The following TCF25 variants were observed in gnomAD, a reference collection of about 807,000 sequenced individuals.
The protein encoded by TCF25 is TCF25 ribosome quality control complex subunit, also known as ribosome quality control complex subunit TCF25.
TCF25 carries 41 observed loss-of-function variants against 83.1 expected under a neutral mutation model. That is an observed-to-expected ratio of 0.49 (90% CI 0.38 to 0.64). The LOEUF (loss-of-function observed/expected upper bound fraction) is 0.64. Ranked by LOEUF, TCF25 falls within the 30% of genes least tolerant of loss-of-function variation. The probability of loss-of-function intolerance (pLI) is 0.00; values close to 1 mark genes in which losing one functional copy is unlikely to be tolerated. For synonymous variants in TCF25, 458 were observed against 365.0 expected, an observed-to-expected ratio of 1.25 and a Z score of -2.90; for missense variants, 979 against 914.5, an observed-to-expected ratio of 1.07 and a Z score of -0.91.
chr16:89,909,562 C>T (rs1214159415), intron 16 of TCF25: 1 of 157,374 alleles, frequency 6.4e-6, no homozygotes, highest in East Asian at 1.8e-4. Flanking sequence ...CCTGTAGTCC[C>T]AGCTACTCAG....
Position 89,892,213 on chromosome 16 carries a change from T to C in TCF25, c.635T>C (p.Val212Ala). 1.2e-6 allele frequency: 2 copies of C among 1,612,346 alleles called. No individual in the cohort carries two copies. Among genetic ancestry groups the C allele is most frequent in the Non-Finnish European group, 1.7e-6 (2 of 1,179,412 alleles). The change falls in exon 6 of 18, where the codon GTG becomes GCG. Residue 212 changes from valine to alanine, a missense_variant. Physicochemically the swap from Val to Ala is moderately conservative, Grantham distance 64 (BLOSUM62 0). Coordinates refer to ENST00000263346, the MANE Select transcript of TCF25 (RefSeq NM_014972.3). ...CCCAGGCCACGGCAGAGACAACGTG[T>C]GTACCCCAAGTGCACATGGCTGACC... is the stretch of plus-strand genomic sequence containing the variant. ...GEQRPRQRQR[V>A]YPKCTWLTTP...
At chr16:89,889,992 C>T (rs1384062612) in intron 5 of TCF25, 2 of 152,286 alleles carry the variant, frequency 1.3e-5, no homozygotes, top group African/African-American at 2.4e-5. Flanking sequence ...GCCTCAGCTT[C>T]CCAAGTAGCT....
chr16:89,896,042 C>G lies in TCF25; in HGVS notation c.981C>G (p.Thr327=). The G allele has an allele frequency of 7.4e-6, 12 of 1,613,892 alleles. No homozygotes were observed. Among genetic ancestry groups the G allele is most frequent in the Non-Finnish European group, 7.6e-6 (9 of 1,179,984 alleles). The change falls in exon 9 of 18, where the codon ACC becomes ACG. Residue 327 remains threonine, a synonymous_variant. Coordinates refer to ENST00000263346, the MANE Select transcript of TCF25 (RefSeq NM_014972.3). ...CGTTCCACCCCCTGTTCAGTCTCAC[C>G]AGTGGGGCCTGCCGGCTGGATTACC... ...ECAFHPLFSL[T]SGACRLDYRR... is the part of the protein sequence containing the mutation.
At chr16:89,908,419 CCCACCTT>C (rs201832830) in intron 16 of TCF25, among the ~76,000 whole-genome samples, 2 of 150,352 alleles carry the variant, frequency 1.3e-5, no homozygotes, top group Admixed American at 6.6e-5. Flanking sequence ...GCTCCCACCT[CCCACCTT>C]CCAGTTCCCA....
chr16:89,873,927 A>G lies in TCF25; in HGVS notation c.192+68A>G, dbSNP rs551440619. The stretch of plus-strand genomic sequence containing the variant: ...ACGTTGTGGGGCGGGGCGAGCGTCC[A>G]GCCGGGTCGGGGAGCGGGGTTGTGA... On this transcript the variant is annotated intron_variant, in intron 1 of 17. Coordinates refer to ENST00000263346, the MANE Select transcript of TCF25 (RefSeq NM_014972.3). 286 of 1,407,886 alleles carry G rather than the reference A, an allele frequency of 2.0e-4. 1 individual carries two copies. The highest frequency in any genetic ancestry group is 4.7e-4 in the South Asian group (33 of 70,048). The allele number at this position is 1,407,886 out of a possible 1,614,324, so 87.2% of individuals were successfully genotyped here. A position where few individuals can be genotyped will look rare whatever the true frequency, so the allele number is the denominator to read the frequency against.
intron 12 of TCF25, among the ~76,000 whole-genome samples, chr16:89,901,314 C>A (rs1344095596): frequency 6.6e-6 from 1 of 152,204 alleles, no homozygotes; most frequent in Non-Finnish European, 1.5e-5. Context: ...TCGGGGCTGA[C>A]CCTGCCTGAC....
intron 12 of TCF25, among the ~76,000 whole-genome samples, chr16:89,903,388 C>T (rs1416842243): frequency 2.0e-5 from 3 of 152,206 alleles, no homozygotes; most frequent in Non-Finnish European, 4.4e-5. Context: ...AACATCCAAC[C>T]GGCCGGGCAC....
intron 16 of TCF25, chr16:89,909,209 C>T (rs1419829358): frequency 1.7e-6 from 2 of 1,207,932 alleles, no homozygotes; most frequent in Non-Finnish European, 2.1e-6. Context: ...CCCGTCTCAA[C>T]TAAAAATACA....
intron 5 of TCF25, among the ~76,000 whole-genome samples, chr16:89,890,833 AT>A (rs35982793): frequency 6.6e-6 from 1 of 152,126 alleles, no homozygotes; most frequent in Non-Finnish European, 1.5e-5. Context: ...TGCCTTTATT[AT>A]TTTTATAGTA....
intron 1 of TCF25, among the ~76,000 whole-genome samples, chr16:89,879,963 ACAGT>A (rs995366520): frequency 3.3e-5 from 5 of 151,060 alleles, no homozygotes; most frequent in East Asian, 3.9e-4. Flanking sequence ...GTCTTTGTAA[ACAGT>A]CAGGATCCCA....
In TCF25 at chr16:89,911,209, G is replaced by A. The variant is rs139621812; in HGVS notation, c.2002G>A (p.Asp668Asn). The change falls in exon 18 of 18, where the codon GAC becomes AAC. Residue 668 changes from aspartate to asparagine, a missense_variant. Transcript: ENST00000263346. ...LNDLEAPHED[D>N]AEGEGEWD is the part of the protein sequence containing the mutation. ...CGACCTGGAGGCGCCGCACGAGGACGACGCTGAGGGGGAGGGGGAGTGGGA... is the reference window on the plus strand; with the variant it reads ...CGACCTGGAGGCGCCGCACGAGGACAACGCTGAGGGGGAGGGGGAGTGGGA... 5.0e-6 allele frequency: 8 copies of A among 1,612,382 alleles called. No homozygotes were observed. Among genetic ancestry groups the A allele is most frequent in the African/African-American group, 4.0e-5 (3 of 74,924 alleles).
In TCF25 at chr16:89,900,233, C is replaced by CGGGCTGCTCTCGGAAACTCGCGCGGCGGT. The variant is rs2044205443; in HGVS notation, c.1222-376_1222-375insGGTGGGCTGCTCTCGGAAACTCGCGCGGC. On this transcript the variant is annotated intron_variant, in intron 11 of 17. Coordinates refer to ENST00000263346, the MANE Select transcript of TCF25 (RefSeq NM_014972.3). ...GTAGACTGCTCGGAAACTCGCGTGG[C>CGGGCTGCTCTCGGAAACTCGCGCGGCGGT]GGGCTGCTCTCGGAAACTCGCGCGG... Among the ~76,000 whole-genome samples the CGGGCTGCTCTCGGAAACTCGCGCGGCGGT allele has an allele frequency of 2.0e-5, 3 of 147,718 alleles. No homozygotes were observed. In the South Asian group the frequency reaches 6.6e-4, roughly 32 times the overall value.
chr16:89,886,771 A>G (rs2043048405), intron 4 of TCF25, among the ~76,000 whole-genome samples: 1 of 150,404 alleles, frequency 6.6e-6, no homozygotes. Flanking sequence ...AAAAAAAAGA[A>G]AAAAAAAATA....
Position 89,906,226 on chromosome 16 carries a change from A to G in TCF25, c.1661A>G (p.Asn554Ser). 3.1e-6 allele frequency: 5 copies of G among 1,613,448 alleles called. No individual in the cohort carries two copies. The highest frequency in any genetic ancestry group is 4.2e-6 in the Non-Finnish European group (5 of 1,180,002). Residue 554 changes from asparagine (N) to serine (S), a missense_variant, in exon 15 of 18, where the codon AAT becomes AGT. Transcript: ENST00000263346. ...GTGCTCTACCAGCGTGCACCCAGGA[A>G]TATCCACCGCCATGTGATCCTCTCT... ...RKVLYQRAPRNIHRHVILSEI... is the reference protein window; with the variant it reads ...RKVLYQRAPRSIHRHVILSEI...
chr16:89,889,234 G>T, intron 5 of TCF25: 1 of 397,358 alleles, frequency 2.5e-6, no homozygotes, highest in South Asian at 1.9e-5. Flanking sequence ...TTAGAGACAG[G>T]GTCTTGCTGG....
chr16:89,894,906 A>T (rs986328102), intron 7 of TCF25, 132 bp from the exon 8 acceptor site: 2 of 657,426 alleles, frequency 3.0e-6, no homozygotes, highest in South Asian at 3.9e-5. Flanking sequence ...CAGCCTCCCA[A>T]AGTGGTGGGA....
In TCF25 at chr16:89,895,056, C is replaced by T. The variant is rs141484772; in HGVS notation, c.847C>T (p.Pro283Ser). The T allele has an allele frequency of 8.7e-6, 14 of 1,613,202 alleles. No individual in the cohort carries two copies. Among genetic ancestry groups the T allele is most frequent in the Admixed American group, 1.7e-5 (1 of 59,982 alleles). Residue 283 changes from proline (P) to serine (S), a missense_variant, in exon 8 of 18, where the codon CCT (proline) becomes TCT (serine). By Grantham distance (74) the Pro-to-Ser change is moderately conservative. Transcript: ENST00000263346. ...NNIVVLLQTS[P>S]YHVDSLLQLS... Reference sequence around the variant, plus strand: ...CTGGTAGGTTCTGCTCCAGACGAGCCCTTACCACGTTGACTCACTCCTGCA... The same window carrying T: ...CTGGTAGGTTCTGCTCCAGACGAGCTCTTACCACGTTGACTCACTCCTGCA...
At chr16:89,878,166 G>C (rs952290645) in intron 1 of TCF25, among the ~76,000 whole-genome samples, 1 of 152,062 alleles carries the variant, frequency 6.6e-6, no homozygotes, top group Non-Finnish European at 1.5e-5. Flanking sequence ...TGTGGTCACA[G>C]CTACTCGGGA....
At chr16:89,895,503 G>A (rs1371650425) in intron 8 of TCF25, among the ~76,000 whole-genome samples, 7 of 152,136 alleles carry the variant, frequency 4.6e-5, no homozygotes, top group South Asian at 2.1e-4. Flanking sequence ...ACCACGCCCC[G>A]CCCTCTGGCT....
Sources: allele counts gnomAD v4.1 joint callset (sites outside exome capture counted in the v4.1 genomes callset), GRCh38; gene constraint gnomAD v4.1.1; transcripts MANE v1.5; gene names NCBI Gene and HGNC (gene_info 2026-07-23, HGNC 2026-07-21).